Variants in MBD5 observed in about 807,000 individuals in gnomAD.
The protein encoded by MBD5 is methyl-CpG binding domain protein 5, also known as methyl-CpG-binding domain protein 5.
In MBD5, 13 loss-of-function variants were observed where a neutral mutation model predicts 117.3. That is an observed-to-expected ratio of 0.11 (90% CI 0.07 to 0.18). The LOEUF (loss-of-function observed/expected upper bound fraction) is 0.18, where lower values mean the gene tolerates loss of function less well. Ranked by LOEUF, MBD5 falls within the 10% of genes least tolerant of loss-of-function variation. The pLI, the probability that MBD5 is intolerant of heterozygous loss-of-function variation, is 1.00. For missense variants in MBD5, 1,879 were observed against 2,093.8 expected (o/e 0.90, Z 2.00); for synonymous variants, 727 against 766.4 (o/e 0.95, Z 0.85).
chr2:148,167,279 C>T (rs922008017), intron 1 of MBD5, among the ~76,000 whole-genome samples: 1 of 151,998 alleles, frequency 6.6e-6, no homozygotes, highest in Non-Finnish European at 1.5e-5. Flanking sequence ...TCAAATTAGC[C>T]TTAATTATCA....
At chr2:148,149,486 C>G (rs1186784695) in intron 1 of MBD5, among the ~76,000 whole-genome samples, 15 of 148,566 alleles carry the variant, frequency 1.0e-4, no homozygotes, top group Non-Finnish European at 1.9e-4. Context: ...AATGGTATTT[C>G]TAGTTCTAGA....
chr2:148,414,388 A>G (rs1434392948), intron 4 of MBD5, among the ~76,000 whole-genome samples: 1 of 152,136 alleles, frequency 6.6e-6, no homozygotes, highest in Non-Finnish European at 1.5e-5. Context: ...CCAAATGTGC[A>G]GTCAGTTTTA....
chr2:148,447,102 T>A (rs1706559836), intron 4 of MBD5, among the ~76,000 whole-genome samples: 4 of 96,836 alleles, frequency 4.1e-5, no homozygotes, highest in East Asian at 2.8e-4. Context: ...AAAGAAAGGA[T>A]AGGAAGGAGA....
At chr2:148,197,379 A>T (rs571756335) in intron 2 of MBD5, among the ~76,000 whole-genome samples, 1 of 152,306 alleles carries the variant, frequency 6.6e-6, no homozygotes, top group East Asian at 1.9e-4. Flanking sequence ...TTTTTAAACA[A>T]ACTAATGATT....
chr2:148,053,629 G>T, intron 1 of MBD5, among the ~76,000 whole-genome samples: 1 of 151,832 alleles, frequency 6.6e-6, no homozygotes, highest in East Asian at 1.9e-4. Flanking sequence ...TTTATACAAA[G>T]GAACTTACAC....
At chr2:148,070,774 A>G (rs557284678) in intron 1 of MBD5, 1 of 152,268 alleles carries the variant, frequency 6.6e-6, no homozygotes, top group East Asian at 1.9e-4. Context: ...ATACTATTTT[A>G]TTTACACAAC....
In MBD5 at chr2:148,489,408, C is replaced by T. The variant is rs769480147; in HGVS notation, c.3776C>T (p.Ala1259Val). Residue 1259 changes from alanine (A) to valine (V), a missense_variant, in exon 11 of 14, where the codon GCT (alanine) becomes GTT (valine). By Grantham distance (64) the Ala-to-Val change is moderately conservative. Around this residue, in one of 4 missense-constraint regions of MBD5, gnomAD observed 1,666 missense variants for 1,792.2 expected, o/e 0.93. Coordinates refer to ENST00000642680, the MANE Select transcript of MBD5 (RefSeq NM_001378120.1). The part of the protein sequence containing the change: ...NFQVRMQEDA[A>V]LLNKRISTQP... ...AAGGTGAGAATGCAGGAAGATGCAG[C>T]TCTCCTAAACAAAAGAATAAGCACT... The T allele has an allele frequency of 1.2e-6, 2 of 1,614,150 alleles. No homozygotes were observed. The highest frequency in any genetic ancestry group is 1.7e-6 in the Non-Finnish European group (2 of 1,180,030).
chr2:148,385,081 A>G (rs1171725509), intron 4 of MBD5, among the ~76,000 whole-genome samples: 1 of 152,188 alleles, frequency 6.6e-6, no homozygotes, highest in Non-Finnish European at 1.5e-5. Flanking sequence ...AAACACCAAA[A>G]GCAATGGCAA....
intron 4 of MBD5, among the ~76,000 whole-genome samples, chr2:148,403,263 T>A (rs1704976610): frequency 1.3e-5 from 2 of 151,788 alleles, no homozygotes; most frequent in South Asian, 4.2e-4. Flanking sequence ...CACTGCAACC[T>A]CCACCCCCCA....
At chr2:148,150,230 T>A (rs1697610532) in intron 1 of MBD5, among the ~76,000 whole-genome samples, 1 of 149,178 alleles carries the variant, frequency 6.7e-6, no homozygotes, top group Non-Finnish European at 1.5e-5. Context: ...TTCTCAGGTT[T>A]GTCAAAGATC....
intron 1 of MBD5, among the ~76,000 whole-genome samples, chr2:148,036,631 ACTC>A (rs1202580063): frequency 6.6e-6 from 1 of 151,628 alleles, no homozygotes; most frequent in Admixed American, 6.6e-5. Flanking sequence ...TAGGTCAAAA[ACTC>A]CTATTTCTCA....
chr2:148,366,239 CA>C (rs1298700912), intron 4 of MBD5, among the ~76,000 whole-genome samples: 1 of 151,926 alleles, frequency 6.6e-6, no homozygotes, highest in East Asian at 1.9e-4. Flanking sequence ...ATGATTATCT[CA>C]ATAGATGCAA....
intron 1 of MBD5, among the ~76,000 whole-genome samples, chr2:148,112,668 C>G (rs1418267135): frequency 1.3e-5 from 2 of 151,980 alleles, no homozygotes; most frequent in African/African-American, 2.4e-5. Flanking sequence ...CATTTGTTAC[C>G]CAATTATACT....
chr2:148,033,154 C>T (rs987635603), intron 1 of MBD5, among the ~76,000 whole-genome samples: 1 of 152,032 alleles, frequency 6.6e-6, no homozygotes, highest in African/African-American at 2.4e-5. Flanking sequence ...GTATCACATT[C>T]ATAATTTGTT....
chr2:148,424,440 C>G (rs549971096), intron 4 of MBD5, among the ~76,000 whole-genome samples: 1 of 151,902 alleles, frequency 6.6e-6, no homozygotes, highest in South Asian at 2.1e-4. Context: ...TAGTGGGAGA[C>G]TTTAACACCC....
chr2:148,435,724 A>G (rs1362168002), intron 4 of MBD5, among the ~76,000 whole-genome samples: 1 of 152,018 alleles, frequency 6.6e-6, no homozygotes, highest in African/African-American at 2.4e-5. Flanking sequence ...TGTCTTAGGA[A>G]TGGTCTTCTT....
At chr2:148,078,505 A>G (rs1486570795) in intron 1 of MBD5, among the ~76,000 whole-genome samples, 2 of 152,178 alleles carry the variant, frequency 1.3e-5, no homozygotes, top group Non-Finnish European at 2.9e-5. Flanking sequence ...GACTGTTACC[A>G]TATGTAATTC....
At chr2:148,350,293 G>A (rs1703219744) in intron 4 of MBD5, among the ~76,000 whole-genome samples, 1 of 151,882 alleles carries the variant, frequency 6.6e-6, no homozygotes, top group Non-Finnish European at 1.5e-5. Flanking sequence ...TTCATTTTTT[G>A]TTTAATTCAT....
At chr2:148,511,234 C>T (rs79339156) in intron 13 of MBD5, among the ~76,000 whole-genome samples, 1,663 of 152,276 alleles carry the variant, frequency 0.011, 28 homozygotes, top group African/African-American at 0.038. Context: ...GTTTTATGAG[C>T]CAGACCTGGA....
Sources: allele counts gnomAD v4.1 joint callset (sites outside exome capture counted in the v4.1 genomes callset), GRCh38; gene constraint gnomAD v4.1.1; regional missense constraint gnomAD v4.1.1; transcripts MANE v1.5; gene names NCBI Gene and HGNC (gene_info 2026-07-23, HGNC 2026-07-21).